PRKCZ: variants seen among roughly 807,000 people sequenced by gnomAD.
PRKCZ encodes protein kinase C zeta.
PRKCZ carries 33 observed loss-of-function variants against 79.5 expected under a neutral mutation model. That is an observed-to-expected ratio of 0.41 (90% CI 0.31 to 0.55). PRKCZ has a LOEUF of 0.55. Among genes scored for constraint, PRKCZ ranks in the 20% least tolerant of loss-of-function variants. PRKCZ has a pLI of 0.19. For missense variants in PRKCZ, 578 were observed against 813.5 expected, an observed-to-expected ratio of 0.71 and a Z score of 3.52; for synonymous variants, 342 against 320.9, an observed-to-expected ratio of 1.07 and a Z score of -0.70.
At position 2,174,006 on chromosome 1, in the gene PRKCZ, C is replaced by T. The variant is rs774305539; in HGVS notation, c.1395C>T (p.Tyr465=). Residue 465 remains tyrosine (Y), a synonymous_variant, in exon 14 of 18, where the codon TAC becomes TAT. Coordinates refer to ENST00000378567, the MANE Select transcript of PRKCZ (RefSeq NM_002744.6). The surrounding 1 kb of genome is among the most constrained non-coding windows in gnomAD (Gnocchi z 6.2). ...ACCCGGACATGAACACAGAGGACTA[C>T]CTTTTCCAAGGTGCGTGCCCCGCTG... ...TDNPDMNTED[Y]LFQVILEKPI... The T allele has an allele frequency of 1.2e-6, 2 of 1,609,580 alleles. No individual in the cohort carries two copies. The highest frequency in any genetic ancestry group is 1.7e-6 in the Non-Finnish European group (2 of 1,177,402).
intron 4 of PRKCZ, among the ~76,000 whole-genome samples, chr1:2,123,172 C>T (rs111214317): frequency 6.9e-4 from 1 of 1,458 alleles, no homozygotes; most frequent in African/African-American, 3.6e-3. Context: ...GTTAGGGTCA[C>T]GGTGGTAGTT....
intron 16 of PRKCZ, 76 bp downstream of exon 16, chr1:2,175,389 C>A (rs1482835818): frequency 2.4e-6 from 3 of 1,253,936 alleles, no homozygotes; most frequent in East Asian, 2.5e-5. Context: ...ATCCCAACCC[C>A]AACCCCAATA....
At chr1:2,107,296 G>A (rs1668740166) in intron 4 of PRKCZ, among the ~76,000 whole-genome samples, 1 of 152,230 alleles carries the variant, frequency 6.6e-6, no homozygotes, top group South Asian at 2.1e-4. Flanking sequence ...ACTGAGGCGG[G>A]ATTGCGTCCT....
intron 4 of PRKCZ, among the ~76,000 whole-genome samples, chr1:2,095,107 G>T (rs940822834): frequency 1.3e-5 from 2 of 152,170 alleles, no homozygotes. Context: ...GGTCCCCTGG[G>T]AGTCCAAGCA....
At chr1:2,102,673 T>C (rs979687953) in intron 4 of PRKCZ, among the ~76,000 whole-genome samples, 19 of 152,154 alleles carry the variant, frequency 1.2e-4, no homozygotes, top group Admixed American at 1.2e-3. Context: ...TAATGATAGA[T>C]TTCTAGAAAC....
intron 4 of PRKCZ, among the ~76,000 whole-genome samples, chr1:2,117,353 G>A (rs905088919): frequency 3.3e-5 from 5 of 149,424 alleles, no homozygotes; most frequent in Admixed American, 1.4e-4. Context: ...GTTTTAAGCC[G>A]TATTACTTTT....
At position 2,168,413 on chromosome 1, in the gene PRKCZ, C is replaced by G. The variant is rs975950050; in HGVS notation, c.975-1105C>G. 1.3e-5 allele frequency among the ~76,000 whole-genome samples: 2 copies of G among 152,204 alleles called. No individual in the cohort carries two copies. The highest frequency in any genetic ancestry group is 2.9e-5 in the Non-Finnish European group (2 of 68,038). On this transcript the variant is annotated intron_variant, in intron 10 of 17. Transcript: ENST00000378567. This position sits in a 1 kb window ranked among gnomAD's most constrained non-coding sequence, Gnocchi z 4.7. ...GAACGAGCCTTCCCCAGCCGCTCCC[C>G]AAAGGCACGGCTTATTCTTCAGGGT...
In PRKCZ at chr1:2,174,021, G is replaced by A. The variant is rs772044884; in HGVS notation, c.1405+5G>A. 1.6e-5 allele frequency: 25 copies of A among 1,594,066 alleles called. No homozygotes were observed. Among genetic ancestry groups the A allele is most frequent in the Middle Eastern group, 1.7e-4 (1 of 6,004 alleles). ...CAGAGGACTACCTTTTCCAAGGTGCGTGCCCCGCTGTGCGTTCGTACCCCT... is the reference window on the plus strand; with the variant it reads ...CAGAGGACTACCTTTTCCAAGGTGCATGCCCCGCTGTGCGTTCGTACCCCT... On this transcript the variant is annotated splice_donor_5th_base_variant and intron_variant, in intron 14 of 17. Transcript: ENST00000378567. This position sits in a 1 kb window ranked among gnomAD's most constrained non-coding sequence, Gnocchi z 6.2.
rs117970637 is a variant in PRKCZ, at chr1:2,165,674, C to G, written c.975-3844C>G. Among the ~76,000 whole-genome samples, 64 of 152,328 alleles carry G rather than the reference C, an allele frequency of 4.2e-4. 2 individuals are homozygous for G. In the East Asian group the frequency reaches 0.012, roughly 28 times the overall value. ...CACTGCGTGAAGGGACGCGTGTGGC[C>G]GTGTTCCACCAGAACTTTCTGTACA... is the stretch of plus-strand genomic sequence containing the variant. On this transcript the variant is annotated intron_variant, in intron 10 of 17. Transcript: ENST00000378567. The surrounding 1 kb of genome is among the most constrained non-coding windows in gnomAD (Gnocchi z 4.1).
rs1365119306 is a variant in PRKCZ, at chr1:2,172,635, G to C, written c.1285+247G>C. ...GATTCCTCCTGCCAGGGAGCCCCGG[G>C]GCACAGGGAGGGGAAAGACACAGAA... On this transcript the variant is annotated intron_variant, in intron 13 of 17. Transcript: ENST00000378567. The surrounding 1 kb of genome is among the most constrained non-coding windows in gnomAD (Gnocchi z 7.8). Among the ~76,000 whole-genome samples the C allele has an allele frequency of 6.6e-6, 1 of 152,230 alleles. No homozygotes were observed. The highest frequency in any genetic ancestry group is 1.5e-5 in the Non-Finnish European group (1 of 68,036).
chr1:2,079,767 G>A (rs1325240243), intron 4 of PRKCZ, among the ~76,000 whole-genome samples: 1 of 152,060 alleles, frequency 6.6e-6, no homozygotes, highest in Non-Finnish European at 1.5e-5. Flanking sequence ...GTCCCTTTTT[G>A]TGTTTGTCCT....
At chr1:2,091,312 T>C (rs1463184362) in intron 4 of PRKCZ, among the ~76,000 whole-genome samples, 1 of 152,198 alleles carries the variant, frequency 6.6e-6, no homozygotes, top group Non-Finnish European at 1.5e-5. Flanking sequence ...GCTGGGATTA[T>C]AGAAGTGAGC....
At chr1:2,148,660 A>G (rs1379482613) in intron 7 of PRKCZ, among the ~76,000 whole-genome samples, 1 of 152,240 alleles carries the variant, frequency 6.6e-6, no homozygotes, top group Non-Finnish European at 1.5e-5. Context: ...ACGAATGTAC[A>G]TCCCCAGGTC....
chr1:2,089,563 A>T (rs1322717334), intron 4 of PRKCZ, among the ~76,000 whole-genome samples: 1 of 152,154 alleles, frequency 6.6e-6, no homozygotes, highest in Non-Finnish European at 1.5e-5. Flanking sequence ...AGTCTTCTTC[A>T]CGTGATAAAG....
chr1:2,165,256 C>T lies in PRKCZ; in HGVS notation c.975-4262C>T, dbSNP rs1417248747. On this transcript the variant is annotated intron_variant, in intron 10 of 17. Coordinates refer to ENST00000378567, the MANE Select transcript of PRKCZ (RefSeq NM_002744.6). This position sits in a 1 kb window ranked among gnomAD's most constrained non-coding sequence, Gnocchi z 4.1. ...CCGAGTCAGGAATCTGATTTTCCAG[C>T]GTGCCCTGTAATGACGGTGCTGTCA... Among the ~76,000 whole-genome samples, 1 of 152,184 alleles carries T rather than the reference C, an allele frequency of 6.6e-6. No individual in the cohort carries two copies. The highest frequency in any genetic ancestry group is 1.9e-4 in the East Asian group (1 of 5,194).
chr1:2,164,907 C>T lies in PRKCZ; in HGVS notation c.975-4611C>T, dbSNP rs1241518182. ...CGGCTGCACCCTGCCTTGCCTTCTC[C>T]TCTGCTCAACTTCACCCCAGGCCGT... On this transcript the variant is annotated intron_variant, in intron 10 of 17. Coordinates refer to ENST00000378567, the MANE Select transcript of PRKCZ (RefSeq NM_002744.6). Among the ~76,000 whole-genome samples the T allele has an allele frequency of 2.0e-5, 3 of 152,144 alleles. No homozygotes were observed. In the East Asian group the frequency reaches 5.8e-4, roughly 29 times the overall value.
chr1:2,169,372 A>G (rs746812498), intron 10 of PRKCZ, 146 bp from the exon 11 acceptor site: 20 of 724,112 alleles, frequency 2.8e-5, no homozygotes, highest in Non-Finnish European at 4.2e-5. Context: ...CTCTGCTGCC[A>G]GGGTGCTCCT....
rs768747601 is a variant in PRKCZ at position 2,185,384 on chromosome 1, G to A, written c.*375G>A. The A allele has an allele frequency of 4.6e-5, 33 of 718,702 alleles. No homozygotes were observed. The highest frequency in any genetic ancestry group is 2.1e-5 in the Non-Finnish European group (8 of 385,136). The allele number at this position is 718,702 out of a possible 1,614,324, so 44.5% of individuals were successfully genotyped here. ...AGCGTCCTGAGGAATAAAATGTTCCGATGATGTGGAAGCTCCTCTGATGCC... is the reference window on the plus strand; with the variant it reads ...AGCGTCCTGAGGAATAAAATGTTCCAATGATGTGGAAGCTCCTCTGATGCC... On this transcript the variant is annotated 3_prime_UTR_variant, in exon 18 of 18. Transcript: ENST00000378567.
At chr1:2,180,069 C>A (rs887442078) in intron 16 of PRKCZ, among the ~76,000 whole-genome samples, 2 of 152,220 alleles carry the variant, frequency 1.3e-5, no homozygotes, top group African/African-American at 4.8e-5. Context: ...AGGGACAAGC[C>A]CCACAGCTGG....
Sources: allele counts gnomAD v4.1 joint callset (sites outside exome capture counted in the v4.1 genomes callset), GRCh38; gene constraint gnomAD v4.1.1; non-coding constraint Gnocchi (gnomAD v3.1); transcripts MANE v1.5; gene names NCBI Gene and HGNC (gene_info 2026-07-23, HGNC 2026-07-21).